Variants in CRYM observed in about 807,000 individuals in gnomAD.
The protein encoded by CRYM is crystallin mu.
CRYM carries 18 observed loss-of-function variants against 32.9 expected under a neutral mutation model. The observed-to-expected ratio is 0.55, with a 90% confidence interval of 0.38 to 0.81. The LOEUF is 0.81. CRYM is among the 30% of genes least tolerant of loss of function. CRYM has a pLI of 0.00. For synonymous variants in CRYM, 153 were observed against 152.4 expected (o/e 1.00, Z -0.03); for missense variants, 337 against 393.5 (o/e 0.86, Z 1.21).
chr16:21,289,996 C>T (rs571245770), intron 1 of CRYM, among the ~76,000 whole-genome samples: 12 of 148,158 alleles, frequency 8.1e-5, no homozygotes, highest in African/African-American at 2.6e-4. Context: ...CCAATCAGCA[C>T]TCTGTAAAAT....
intron 1 of CRYM, among the ~76,000 whole-genome samples, chr16:21,289,087 T>TTA (rs1960549606): frequency 6.6e-6 from 1 of 152,218 alleles, no homozygotes; most frequent in African/African-American, 2.4e-5. Context: ...GTAGAGTATT[T>TTA]TATATATACC....
At chr16:21,283,386 T>C (rs899431450) in intron 1 of CRYM, 2 of 152,234 alleles carry the variant, frequency 1.3e-5, no homozygotes, top group African/African-American at 4.8e-5. Flanking sequence ...TCAGGATTAC[T>C]GACTTTTCCT....
At chr16:21,264,407 TAAAG>T (rs886183112) in intron 5 of CRYM, among the ~76,000 whole-genome samples, 25 of 151,990 alleles carry the variant, frequency 1.6e-4, no homozygotes, top group African/African-American at 6.0e-4. Context: ...GGCCAGGCAG[TAAAG>T]AGAGAGAAGC....
At chr16:21,270,945 C>A (rs959364546) in intron 3 of CRYM, among the ~76,000 whole-genome samples, 9 of 152,308 alleles carry the variant, frequency 5.9e-5, no homozygotes, top group Admixed American at 4.6e-4. Flanking sequence ...TGATAGAATG[C>A]ACCAGGCCAT....
In CRYM at chr16:21,268,265, A is replaced by G. The variant is rs1597616488; in HGVS notation, c.490-528T>C. ...AGATTCATATGAAGGATTATTTATG[A>G]TAATGTTTTTCATGGAATAACTTGA... On this transcript the variant is annotated intron_variant, in intron 4 of 7. Transcript: ENST00000572914. Among the ~76,000 whole-genome samples the G allele has an allele frequency of 2.0e-5, 3 of 152,242 alleles. No homozygotes were observed. The South Asian group carries it at 6.2e-4, about 32-fold the overall frequency.
chr16:21,277,489 A>T lies in CRYM; in HGVS notation c.266T>A (p.Val89Asp), dbSNP rs975545045. 1.2e-6 allele frequency: 2 copies of T among 1,613,702 alleles called. No homozygotes were observed. Among genetic ancestry groups the T allele is most frequent in the Non-Finnish European group, 1.7e-6 (2 of 1,179,986 alleles). The change falls in exon 2 of 8, where the codon GTC (valine) becomes GAC (aspartate). Residue 89 changes from valine to aspartate, a missense_variant. By Grantham distance (152) the Val-to-Asp change is radical (BLOSUM62 -3). Transcript: ENST00000572914. The surrounding 1 kb of genome is among the most constrained non-coding windows in gnomAD (Gnocchi z 4.2). The part of the protein sequence containing the change: ...FYEDRGITSV[V>D]PSHQATVLLF... ...TAGCACAGTAGCCTGGTGGGAAGGG[A>T]CGACCGAGGTGATGCCGCGGTCCTC... is the stretch of plus-strand genomic sequence containing the variant.
chr16:21,269,744 G>T, intron 4 of CRYM, 46 bp downstream of exon 4: 1 of 1,163,048 alleles, frequency 8.6e-7, no homozygotes, highest in South Asian at 1.2e-5. Context: ...ACAGGTCAAG[G>T]ACCACCCCCT....
chr16:21,279,870 A>G (rs1212309267), upstream of CRYM, among the ~76,000 whole-genome samples: 1 of 141,190 alleles, frequency 7.1e-6, no homozygotes, highest in Admixed American at 6.9e-5. Flanking sequence ...CTTGGCACAG[A>G]GTAGCCATGT....
Position 21,277,423 on chromosome 16 carries a change from T to G in CRYM, c.324+8A>C, listed in dbSNP as rs1171998102. 1 of 1,612,508 alleles carries G rather than the reference T, an allele frequency of 6.2e-7. No homozygotes were observed. The highest frequency in any genetic ancestry group is 8.5e-7 in the Non-Finnish European group (1 of 1,179,838). ...CCCCATTCCACCCCGGGACAGGAAG[T>G]TGCTCACCGCCAGCAGGGTGCCATT... On this transcript the variant is annotated splice_region_variant and intron_variant, in intron 2 of 7. Transcript: ENST00000572914. This position sits in a 1 kb window ranked among gnomAD's most constrained non-coding sequence, Gnocchi z 4.2.
At chr16:21,295,669 A>G (rs1342354283) in intron 1 of CRYM, among the ~76,000 whole-genome samples, 1 of 152,238 alleles carries the variant, frequency 6.6e-6, no homozygotes, top group Non-Finnish European at 1.5e-5. Flanking sequence ...GTGGTGGTTC[A>G]CGTCTATAAT....
Position 21,278,154 on chromosome 16 carries a change from T to C in CRYM, c.98A>G (p.Asn33Ser). The change falls in exon 1 of 8, where the codon AAC becomes AGC. Residue 33 changes from asparagine (N) to serine (S), a missense_variant. Physicochemically the swap from Asn to Ser is conservative, Grantham distance 46. Coordinates refer to ENST00000572914, the MANE Select transcript of CRYM (RefSeq NM_001376256.1). The part of the protein sequence containing the change: ...LIPPLETALA[N>S]FSSGPEGGVM... The stretch of plus-strand genomic sequence containing the variant: ...CCCTCCTTCGGGACCGCTGGAGAAG[T>C]TGGCCAGGGCCGTCTCTAGAGGCGG... 1.3e-6 allele frequency: 2 copies of C among 1,552,620 alleles called. No individual in the cohort carries two copies. Among genetic ancestry groups the C allele is most frequent in the African/African-American group, 1.4e-5 (1 of 73,210 alleles).
chr16:21,281,226 A>C (rs2093397692), upstream of CRYM, among the ~76,000 whole-genome samples: 1 of 151,374 alleles, frequency 6.6e-6, no homozygotes, highest in Non-Finnish European at 1.5e-5. Flanking sequence ...ATGTATCTAT[A>C]TAGATATGTA....
chr16:21,258,837 C>G lies in CRYM; in HGVS notation c.889G>C (p.Val297Leu). The G allele has an allele frequency of 6.2e-7, 1 of 1,614,120 alleles. No individual in the cohort carries two copies. The highest frequency in any genetic ancestry group is 8.5e-7 in the Non-Finnish European group (1 of 1,179,982). The change falls in exon 8 of 8, where the codon GTG becomes CTG. Residue 297 changes from valine (V) to leucine (L), a missense_variant. Transcript: ENST00000572914. ...TTVFKSLGMA[V>L]EDTVAAKLIY... ...AGTTTGGCTGCAACTGTGTCTTCCA[C>G]TGCCATTCCTAGAATAGACAGAAAT...
rs2093349363 is a variant in CRYM at position 21,258,949 on chromosome 16, A to G, written c.881-104T>C. On this transcript the variant is annotated intron_variant, in intron 7 of 7. Transcript: ENST00000572914. ...TTCCTGATACATGTCCATGTTGCCA[A>G]TGCCTATTGGAATAACAGGGACTGA... 1.1e-5 allele frequency: 10 copies of G among 889,852 alleles called. 1 individual carries two copies. The highest frequency in any genetic ancestry group is 2.6e-5 in the South Asian group (2 of 75,844). 55.1% of individuals were successfully genotyped at this position (889,852 alleles called of 1,614,324 possible). A position where few individuals can be genotyped will look rare whatever the true frequency, so the allele number is the denominator to read the frequency against.
At chr16:21,281,588 C>T (rs150687495), upstream of CRYM, among the ~76,000 whole-genome samples, 3 of 152,204 alleles carry the variant, frequency 2.0e-5, no homozygotes, top group East Asian at 1.9e-4. Context: ...ATTGACTAAC[C>T]GACCCCTTGT....
At chr16:21,270,585 G>A (rs1476016401) in intron 3 of CRYM, among the ~76,000 whole-genome samples, 1 of 152,028 alleles carries the variant, frequency 6.6e-6, no homozygotes, top group Non-Finnish European at 1.5e-5. Flanking sequence ...CACCTAGCCA[G>A]GTCTTACAAC....
upstream of CRYM, among the ~76,000 whole-genome samples, chr16:21,281,694 T>C (rs13334084): frequency 4.5e-4 from 69 of 152,346 alleles, no homozygotes; most frequent in African/African-American, 1.7e-3. Flanking sequence ...TCTGGCTGAC[T>C]TACAGAGGTT....
At chr16:21,302,083 C>CCA (rs1191075242) in intron 1 of CRYM, among the ~76,000 whole-genome samples, 1 of 152,196 alleles carries the variant, frequency 6.6e-6, no homozygotes, top group African/African-American at 2.4e-5. Context: ...ACACACACAC[C>CCA]CACACACACA....
intron 7 of CRYM, 110 bp from the exon 8 acceptor site, chr16:21,258,955 A>G: frequency 3.5e-6 from 3 of 852,086 alleles, no homozygotes; most frequent in East Asian, 2.4e-5. Context: ...GCCAATGCCT[A>G]TTGGAATAAC....
Sources: allele counts gnomAD v4.1 joint callset (sites outside exome capture counted in the v4.1 genomes callset), GRCh38; gene constraint gnomAD v4.1.1; non-coding constraint Gnocchi (gnomAD v3.1); transcripts MANE v1.5; gene names NCBI Gene and HGNC (gene_info 2026-07-23, HGNC 2026-07-21).